The following MYO10 variants were observed in gnomAD, a reference collection of about 807,000 sequenced individuals.
The protein encoded by MYO10 is unconventional myosin-X.
MYO10 carries 133 observed loss-of-function variants against 257.3 expected under a neutral mutation model. The observed-to-expected ratio is 0.52, with a 90% CI of 0.45 to 0.60. MYO10 has a LOEUF of 0.60. MYO10 is among the 20% of genes least tolerant of loss of function. The probability of loss-of-function intolerance (pLI) is 0.00; values close to 1 mark genes in which losing one functional copy is unlikely to be tolerated. For synonymous variants in MYO10, 1,104 were observed against 1,028.6 expected (o/e 1.07, Z -1.40); for missense variants, 2,399 against 2,635.7 (o/e 0.91, Z 1.97).
chr5:16,857,607 A>C (rs1425194624), intron 2 of MYO10, among the ~76,000 whole-genome samples: 2 of 152,210 alleles, frequency 1.3e-5, no homozygotes, highest in Non-Finnish European at 2.9e-5. Context: ...CCTAGAATTC[A>C]GTGGTTTCAC....
chr5:16,853,456 C>T (rs1004362040), intron 2 of MYO10, among the ~76,000 whole-genome samples: 1 of 152,140 alleles, frequency 6.6e-6, no homozygotes, highest in Non-Finnish European at 1.5e-5. Flanking sequence ...AAGATTCCTA[C>T]ACTTCTACAA....
chr5:16,931,335 C>T (rs1746289870), intron 1 of MYO10, among the ~76,000 whole-genome samples: 1 of 152,148 alleles, frequency 6.6e-6, no homozygotes, highest in African/African-American at 2.4e-5. Flanking sequence ...ATCACAACAG[C>T]AGGAGAGCAC....
At chr5:16,789,300 T>A (rs1313352287) in intron 4 of MYO10, among the ~76,000 whole-genome samples, 1 of 152,208 alleles carries the variant, frequency 6.6e-6, no homozygotes, top group Non-Finnish European at 1.5e-5. Context: ...TACACAAAAC[T>A]TTTTGCTGCC....
intron 19 of MYO10, among the ~76,000 whole-genome samples, chr5:16,724,478 T>C (rs1406033932): frequency 2.6e-5 from 4 of 152,062 alleles, no homozygotes; most frequent in African/African-American, 7.2e-5. Context: ...AGTTCAAATA[T>C]GACTCTAAAG....
At chr5:16,838,515 G>C (rs1327689915) in intron 2 of MYO10, among the ~76,000 whole-genome samples, 2 of 152,156 alleles carry the variant, frequency 1.3e-5, no homozygotes, top group African/African-American at 2.4e-5. Context: ...CAGATTCGTT[G>C]ATGAGATTTA....
chr5:16,796,208 GAAC>G (rs1345115869), intron 3 of MYO10, among the ~76,000 whole-genome samples: 5 of 74,042 alleles, frequency 6.8e-5, no homozygotes, highest in South Asian at 5.7e-4. Context: ...AAAAAAGAAA[GAAC>G]AGAGAGAGAG....
intron 19 of MYO10, among the ~76,000 whole-genome samples, chr5:16,721,174 T>C (rs1387375453): frequency 6.6e-6 from 1 of 152,204 alleles, no homozygotes; most frequent in South Asian, 2.1e-4. Context: ...TTCCCAGTCC[T>C]GTAACTACTA....
At chr5:16,669,249 T>G (rs1415867356) in intron 39 of MYO10, among the ~76,000 whole-genome samples, 1 of 151,746 alleles carries the variant, frequency 6.6e-6, no homozygotes, top group African/African-American at 2.4e-5. Flanking sequence ...AGTCTCACTC[T>G]GTCGCCCAGG....
At chr5:16,800,741 G>A (rs1317951809) in intron 3 of MYO10, among the ~76,000 whole-genome samples, 2 of 152,122 alleles carry the variant, frequency 1.3e-5, no homozygotes, top group East Asian at 3.9e-4. Context: ...CCACCCCCGT[G>A]GCTGTGTTGG....
intron 1 of MYO10, among the ~76,000 whole-genome samples, chr5:16,884,335 C>T (rs1458569685): frequency 1.3e-5 from 2 of 152,090 alleles, no homozygotes; most frequent in Non-Finnish European, 2.9e-5. Context: ...GTAAAGGGTA[C>T]TGTGAGCCAT....
intron 9 of MYO10, among the ~76,000 whole-genome samples, chr5:16,772,877 G>A (rs891947371): frequency 6.6e-5 from 10 of 152,158 alleles, no homozygotes; most frequent in African/African-American, 2.4e-4. Context: ...GTATACCAGA[G>A]GGACTAAATT....
intron 2 of MYO10, among the ~76,000 whole-genome samples, chr5:16,819,700 A>T (rs1742740923): frequency 6.6e-6 from 1 of 152,254 alleles, no homozygotes; most frequent in African/African-American, 2.4e-5. Context: ...ATTTTTAGAT[A>T]CTGACTGGCT....
At chr5:16,931,609 T>A (rs1210475567) in intron 1 of MYO10, among the ~76,000 whole-genome samples, 1 of 149,178 alleles carries the variant, frequency 6.7e-6, no homozygotes, top group Non-Finnish European at 1.5e-5. Context: ...TCCCCCTGGC[T>A]TTGCTGTCCC....
In MYO10 at chr5:16,679,524, GTTT is replaced by G. The variant is rs33919452; in HGVS notation, c.4542+420_4542+422del. 7.5e-3 allele frequency among the ~76,000 whole-genome samples: 918 copies of G among 122,660 alleles called. 11 individuals are homozygous for G. The highest frequency in any genetic ancestry group is 0.026 in the African/African-American group (795 of 31,094). The allele number at this position is 122,660 out of a possible 152,430, so 80.5% of individuals were successfully genotyped here. ...TTAACCAAGCGCTAGTTTTTTGGGT[GTTT>G]TTTTTTTTTTTTTTTGAGACGAAGT... On this transcript the variant is annotated intron_variant, in intron 33 of 40. Transcript: ENST00000513610.
At chr5:16,691,842 T>G (rs1366475546) in intron 27 of MYO10, among the ~76,000 whole-genome samples, 1 of 152,152 alleles carries the variant, frequency 6.6e-6, no homozygotes, top group African/African-American at 2.4e-5. Context: ...TCGATCACTC[T>G]CTAGGTCTAA....
At chr5:16,714,477 T>A (rs1308193269) in intron 19 of MYO10, among the ~76,000 whole-genome samples, 2 of 151,862 alleles carry the variant, frequency 1.3e-5, no homozygotes, top group East Asian at 3.9e-4. Context: ...GTCAGATCTG[T>A]GCTGGGTAAG....
intron 1 of MYO10, among the ~76,000 whole-genome samples, chr5:16,929,425 A>G (rs1028757061): frequency 2.0e-5 from 3 of 152,134 alleles, no homozygotes; most frequent in African/African-American, 7.2e-5. Context: ...AGATGACGCA[A>G]GTTTAAGGCA....
intron 19 of MYO10, among the ~76,000 whole-genome samples, chr5:16,741,070 A>G (rs1213176858): frequency 6.6e-6 from 1 of 152,196 alleles, no homozygotes; most frequent in Non-Finnish European, 1.5e-5. Context: ...TCCAGGGCAC[A>G]TTTAGCAACT....
intron 2 of MYO10, among the ~76,000 whole-genome samples, chr5:16,824,791 C>G (rs112054942): frequency 6.6e-6 from 1 of 152,006 alleles, no homozygotes; most frequent in East Asian, 1.9e-4. Context: ...CGCTTGAACC[C>G]GGGAGGCGGA....
Sources: allele counts gnomAD v4.1 joint callset (sites outside exome capture counted in the v4.1 genomes callset), GRCh38; gene constraint gnomAD v4.1.1; transcripts MANE v1.5; gene names NCBI Gene and HGNC (gene_info 2026-07-23, HGNC 2026-07-21).